Variants in FNDC1 observed in about 807,000 individuals in gnomAD.
The protein encoded by FNDC1 is fibronectin type III domain containing 1, also known as fibronectin type III domain-containing protein 1.
In FNDC1, 96 loss-of-function variants were observed where a neutral mutation model predicts 168.0. The ratio of observed to expected loss-of-function variants is 0.57; its 90% CI spans 0.48 to 0.68. The LOEUF is 0.68. Ranked by LOEUF, FNDC1 falls within the 30% of genes least tolerant of loss-of-function variation. FNDC1 has a pLI of 0.00. For synonymous variants in FNDC1, 1,099 were observed against 1,025.9 expected (o/e 1.07, Z -1.36); for missense variants, 2,587 against 2,482.1 (o/e 1.04, Z -0.90).
intron 4 of FNDC1, among the ~76,000 whole-genome samples, chr6:159,203,857 A>G (rs1782426609): frequency 6.6e-6 from 1 of 152,198 alleles, no homozygotes. Context: ...CTAGGGCCTC[A>G]GCCCAGCTAG....
At chr6:159,200,839 G>A (rs1782364770) in intron 4 of FNDC1, among the ~76,000 whole-genome samples, 1 of 152,190 alleles carries the variant, frequency 6.6e-6, no homozygotes, top group Admixed American at 6.5e-5. Flanking sequence ...GGATATTGTT[G>A]CCCTCTTCAT....
At chr6:159,184,661 G>A (rs1781955545) in intron 1 of FNDC1, among the ~76,000 whole-genome samples, 1 of 152,024 alleles carries the variant, frequency 6.6e-6, no homozygotes, top group South Asian at 2.1e-4. Context: ...GTGATTTTGG[G>A]TACAGTAATG....
At position 159,271,451 on chromosome 6, in the gene FNDC1, C is replaced by A. The variant is rs913682212; in HGVS notation, c.*9C>A. Reference sequence around the variant, plus strand: ...TCCCTGGAAAGTGGTAATCACAGGACCGTCATGCTGCAAGCTTGCCCTGCC... The same window carrying A: ...TCCCTGGAAAGTGGTAATCACAGGAACGTCATGCTGCAAGCTTGCCCTGCC... On this transcript the variant is annotated 3_prime_UTR_variant, in exon 23 of 23. Transcript: ENST00000297267. 1 of 1,590,202 alleles carries A rather than the reference C, an allele frequency of 6.3e-7. No homozygotes were observed. Among genetic ancestry groups the A allele is most frequent in the South Asian group, 1.1e-5 (1 of 88,146 alleles).
chr6:159,240,788 G>C (rs969553886), intron 14 of FNDC1: 2 of 152,206 alleles, frequency 1.3e-5, no homozygotes, highest in Admixed American at 6.5e-5. Context: ...TGCTTTGGAA[G>C]AAGTCATTCT....
chr6:159,171,947 C>T lies in FNDC1; in HGVS notation c.109+2242C>T, dbSNP rs1430133299. Among the ~76,000 whole-genome samples, 4 of 152,110 alleles carry T rather than the reference C, an allele frequency of 2.6e-5. No homozygotes were observed. In the South Asian group the frequency reaches 6.2e-4, roughly 24 times the overall value. ...TCCTTTTTCACAGTTGACATTTGCA[C>T]TGAGGGTGCAAAAGCTTGATGGGTA... On this transcript the variant is annotated intron_variant, in intron 1 of 22. Coordinates refer to ENST00000297267, the MANE Select transcript of FNDC1 (RefSeq NM_032532.3).
intron 19 of FNDC1, among the ~76,000 whole-genome samples, chr6:159,262,341 A>T (rs1257350093): frequency 6.6e-6 from 1 of 152,224 alleles, no homozygotes; most frequent in Non-Finnish European, 1.5e-5. Flanking sequence ...TTAAAAATCT[A>T]CTCAGTCAAA....
chr6:159,226,358 A>G, intron 8 of FNDC1, 115 bp from the exon 9 acceptor site: 1 of 736,032 alleles, frequency 1.4e-6, no homozygotes, highest in Non-Finnish European at 2.2e-6. Flanking sequence ...TATAATAAAA[A>G]TTAACACAGT....
chr6:159,202,536 A>G (rs1433253092), intron 4 of FNDC1, among the ~76,000 whole-genome samples: 1 of 152,236 alleles, frequency 6.6e-6, no homozygotes, highest in African/African-American at 2.4e-5. Flanking sequence ...GTAAGGCCCA[A>G]AGGGATTCAC....
At chr6:159,223,746 T>C (rs1426645813) in intron 7 of FNDC1, 101 bp downstream of exon 7, 1 of 679,632 alleles carries the variant, frequency 1.5e-6, no homozygotes, top group African/African-American at 1.8e-5. Context: ...CTTACATGAA[T>C]GCTGGTCTCT....
At chr6:159,230,406 G>A (rs1490594846) in intron 10 of FNDC1, among the ~76,000 whole-genome samples, 2 of 152,164 alleles carry the variant, frequency 1.3e-5, no homozygotes, top group African/African-American at 4.8e-5. Flanking sequence ...GGAGACGGGT[G>A]AGGGTTAAAA....
At chr6:159,179,641 C>T (rs79701265) in intron 1 of FNDC1, among the ~76,000 whole-genome samples, 4,500 of 152,248 alleles carry the variant, frequency 0.03, 102 homozygotes, top group East Asian at 0.097. Context: ...CAACACCCGG[C>T]ATTTCATATA....
chr6:159,197,363 G>C, intron 1 of FNDC1, 68 bp from the exon 2 acceptor site: 2 of 1,401,830 alleles, frequency 1.4e-6, no homozygotes, highest in Non-Finnish European at 2.0e-6. Flanking sequence ...CAATATCAAA[G>C]ACGATTAAAA....
chr6:159,233,041 G>A lies in FNDC1; in HGVS notation c.2529G>A (p.Leu843=). The A allele has an allele frequency of 6.2e-7, 1 of 1,611,410 alleles. No homozygotes were observed. Among genetic ancestry groups the A allele is most frequent in the Non-Finnish European group, 8.5e-7 (1 of 1,178,978 alleles). The part of the protein sequence containing the change: ...SRFSIGRGPR[L]QPSSSPQSTV... The stretch of plus-strand genomic sequence containing the variant: ...TCAGCATTGGGCGGGGACCTCGGCT[G>A]CAGCCCTCCAGCTCCCCACAGTCGA... The change falls in exon 11 of 23, where the codon CTG becomes CTA. Residue 843 remains leucine, a synonymous_variant. Coordinates refer to ENST00000297267, the MANE Select transcript of FNDC1 (RefSeq NM_032532.3). The surrounding 1 kb of genome is among the most constrained non-coding windows in gnomAD (Gnocchi z 4.6).
chr6:159,222,240 C>T (rs1481463512), intron 6 of FNDC1, among the ~76,000 whole-genome samples: 2 of 152,188 alleles, frequency 1.3e-5, no homozygotes, highest in Non-Finnish European at 1.5e-5. Flanking sequence ...ATGACAGGTA[C>T]CTTTTCTGGA....
intron 18 of FNDC1, among the ~76,000 whole-genome samples, chr6:159,257,659 C>T (rs79026814): frequency 0.049 from 7,394 of 152,124 alleles, 217 homozygotes; most frequent in African/African-American, 0.08. Context: ...CTGTGGGCAC[C>T]GAAAGGCTAC....
In FNDC1 at chr6:159,232,491, A is replaced by G; in HGVS notation, c.1979A>G (p.Lys660Arg). ...CGCGCTGTGGGCTCCCTCCACCCCA[A>G]GGGCGCCTTCGCCCAGCCCCGGCCA... ...DERAVGSLHP[K>R]GAFAQPRPAL... Residue 660 changes from lysine (K) to arginine (R), a missense_variant, in exon 11 of 23, where the codon AAG (lysine) becomes AGG (arginine). Physicochemically the swap from Lys to Arg is conservative, Grantham distance 26 (BLOSUM62 2). Transcript: ENST00000297267. This position sits in a 1 kb window ranked among gnomAD's most constrained non-coding sequence, Gnocchi z 4.9. 6.2e-7 allele frequency: 1 copy of G among 1,612,418 alleles called. No individual in the cohort carries two copies. Among genetic ancestry groups the G allele is most frequent in the Non-Finnish European group, 8.5e-7 (1 of 1,179,268 alleles).
At position 159,169,714 on chromosome 6, in the gene FNDC1, C is replaced by T; in HGVS notation, c.109+9C>T. 1 of 1,111,156 alleles carries T rather than the reference C, an allele frequency of 9.0e-7. No individual in the cohort carries two copies. The highest frequency in any genetic ancestry group is 4.2e-5 in the East Asian group (1 of 23,824). The allele number at this position is 1,111,156 out of a possible 1,614,324, so 68.8% of individuals were successfully genotyped here. A position where few individuals can be genotyped will look rare whatever the true frequency, so the allele number is the denominator to read the frequency against. ...CTCGGCGGCGGCCTCAGGTACGCGC[C>T]GCGCCCGGGCCCCCGGCGCTCCTCA... On this transcript the variant is annotated intron_variant, in intron 1 of 22. Transcript: ENST00000297267. This position sits in a 1 kb window ranked among gnomAD's most constrained non-coding sequence, Gnocchi z 6.8.
intron 21 of FNDC1, among the ~76,000 whole-genome samples, chr6:159,267,025 T>C (rs1460161828): frequency 6.6e-6 from 1 of 152,204 alleles, no homozygotes; most frequent in Admixed American, 6.5e-5. Flanking sequence ...TTTCAGTGTA[T>C]ACATTGTTAA....
intron 22 of FNDC1, among the ~76,000 whole-genome samples, chr6:159,268,642 C>G (rs575525831): frequency 1.3e-5 from 2 of 151,944 alleles, no homozygotes; most frequent in African/African-American, 2.4e-5. Context: ...ATCTATCCAT[C>G]TATGTATGTA....
Sources: allele counts gnomAD v4.1 joint callset (sites outside exome capture counted in the v4.1 genomes callset), GRCh38; gene constraint gnomAD v4.1.1; non-coding constraint Gnocchi (gnomAD v3.1); transcripts MANE v1.5; gene names NCBI Gene and HGNC (gene_info 2026-07-23, HGNC 2026-07-21).